ADAMTS17: variants seen among roughly 807,000 people sequenced by gnomAD.
ADAMTS17 encodes ADAM metallopeptidase with thrombospondin type 1 motif 17, also known as A disintegrin and metalloproteinase with thrombospondin motifs 17.
In ADAMTS17, 113 loss-of-function variants were observed where a neutral mutation model predicts 141.5. The ratio of observed to expected loss-of-function variants is 0.80; its 90% CI spans 0.69 to 0.93. ADAMTS17 has a LOEUF of 0.93. Among genes scored for constraint, ADAMTS17 ranks in the 40% least tolerant of loss-of-function variants. The pLI, the probability that ADAMTS17 is intolerant of heterozygous loss-of-function variation, is 0.00. For missense variants in ADAMTS17, 1,659 were observed against 1,517.9 expected, an observed-to-expected ratio of 1.09 and a Z score of -1.54; for synonymous variants, 768 against 630.6, an observed-to-expected ratio of 1.22 and a Z score of -3.27.
intron 18 of ADAMTS17, among the ~76,000 whole-genome samples, chr15:100,030,383 A>G (rs1457105256): frequency 4.6e-5 from 7 of 152,214 alleles, no homozygotes; most frequent in Admixed American, 2.6e-4. Flanking sequence ...ATTTAAACCC[A>G]AATACAGGTT....
chr15:100,019,050 G>A (rs567872493), intron 18 of ADAMTS17, among the ~76,000 whole-genome samples: 1 of 152,232 alleles, frequency 6.6e-6, no homozygotes, highest in East Asian at 1.9e-4. Context: ...AACCTCAAAT[G>A]GCAATCCACC....
At chr15:100,085,163 T>C (rs1487464612) in intron 15 of ADAMTS17, among the ~76,000 whole-genome samples, 1 of 152,000 alleles carries the variant, frequency 6.6e-6, no homozygotes, top group Non-Finnish European at 1.5e-5. Context: ...CTGAGGGAGC[T>C]GAAAGCCATG....
chr15:99,987,238 G>A (rs918602846), intron 20 of ADAMTS17, among the ~76,000 whole-genome samples: 5 of 152,178 alleles, frequency 3.3e-5, no homozygotes, highest in Non-Finnish European at 7.4e-5. Flanking sequence ...TGGGGATATC[G>A]AAGCTTCCAT....
intron 4 of ADAMTS17, among the ~76,000 whole-genome samples, chr15:100,269,468 G>A (rs184726496): frequency 6.6e-6 from 1 of 152,250 alleles, no homozygotes; most frequent in East Asian, 1.9e-4. Context: ...TACTTTTTTA[G>A]GGGCCAAACA....
At chr15:100,291,221 A>G (rs532956536) in intron 3 of ADAMTS17, among the ~76,000 whole-genome samples, 15 of 152,350 alleles carry the variant, frequency 9.8e-5, no homozygotes, top group African/African-American at 3.6e-4. Flanking sequence ...GAAGACATAC[A>G]CGTGGCCAAT....
At chr15:100,186,500 T>C (rs182272189) in intron 8 of ADAMTS17, among the ~76,000 whole-genome samples, 2 of 152,366 alleles carry the variant, frequency 1.3e-5, no homozygotes, top group Admixed American at 1.3e-4. Context: ...CCCTCCCATC[T>C]TGGCGCCATC....
At chr15:100,148,103 C>T (rs566541860) in intron 10 of ADAMTS17, among the ~76,000 whole-genome samples, 75 of 152,338 alleles carry the variant, frequency 4.9e-4, no homozygotes, top group African/African-American at 1.7e-3. Flanking sequence ...CTGGGCCACC[C>T]AGATAACCCA....
At chr15:100,092,219 T>C (rs962071016) in intron 15 of ADAMTS17, among the ~76,000 whole-genome samples, 1 of 152,244 alleles carries the variant, frequency 6.6e-6, no homozygotes, top group African/African-American at 2.4e-5. Flanking sequence ...TTTATAGCTT[T>C]AAAATTGGTT....
At chr15:100,199,499 A>C in intron 7 of ADAMTS17, 76 bp from the exon 8 acceptor site, 2 of 1,197,908 alleles carry the variant, frequency 1.7e-6, no homozygotes, top group Non-Finnish European at 2.5e-6. Context: ...CCGCACGGTC[A>C]ACGTCATGCA....
At chr15:100,116,664 C>A (rs1268449739) in intron 13 of ADAMTS17, among the ~76,000 whole-genome samples, 183 bp downstream of exon 13, 1 of 152,264 alleles carries the variant, frequency 6.6e-6, no homozygotes, top group Non-Finnish European at 1.5e-5. Context: ...TCTCAGAGAG[C>A]TGGGTCATTC....
At chr15:100,261,383 T>G in intron 6 of ADAMTS17, 96 bp downstream of exon 6, 2 of 1,571,776 alleles carry the variant, frequency 1.3e-6, no homozygotes, top group Non-Finnish European at 1.7e-6. Context: ...AGGTCTGATT[T>G]CCAAGCCTGA....
Position 100,082,372 on chromosome 15 carries a change from T to C in ADAMTS17, c.2137+13984A>G, listed in dbSNP as rs571743937. Among the ~76,000 whole-genome samples the C allele has an allele frequency of 4.1e-5, 6 of 146,842 alleles. No homozygotes were observed. The South Asian group carries it at 6.4e-4, about 16-fold the overall frequency. ...AGCCACCGTGCCTGGCCTTATTGCA[T>C]GGTTTTGATAGTCTTTTTTTTTTTT... On this transcript the variant is annotated intron_variant, in intron 15 of 21. Transcript: ENST00000268070.
intron 7 of ADAMTS17, among the ~76,000 whole-genome samples, chr15:100,230,146 T>C (rs548982917): frequency 1.3e-5 from 2 of 152,366 alleles, no homozygotes; most frequent in African/African-American, 2.4e-5. Flanking sequence ...CAACTCAGAA[T>C]AAGTGGTTTT....
intron 15 of ADAMTS17, among the ~76,000 whole-genome samples, chr15:100,080,424 T>G (rs2034655805): frequency 6.6e-6 from 1 of 151,844 alleles, no homozygotes; most frequent in Non-Finnish European, 1.5e-5. Flanking sequence ...AGGAGATCCA[T>G]TAGGGCGTCT....
At chr15:100,234,837 C>T (rs947665605) in intron 7 of ADAMTS17, among the ~76,000 whole-genome samples, 7 of 152,158 alleles carry the variant, frequency 4.6e-5, no homozygotes, top group South Asian at 2.1e-4. Flanking sequence ...TCTCCCAAGG[C>T]GCCCCCTCCA....
At chr15:100,179,246 C>G (rs375605974) in intron 8 of ADAMTS17, among the ~76,000 whole-genome samples, 1 of 152,322 alleles carries the variant, frequency 6.6e-6, no homozygotes, top group African/African-American at 2.4e-5. Context: ...GTCTTAGCCT[C>G]TGGTAACCAT....
At chr15:99,998,605 C>CA (rs2060855136) in intron 18 of ADAMTS17, among the ~76,000 whole-genome samples, 1 of 151,920 alleles carries the variant, frequency 6.6e-6, no homozygotes, top group Non-Finnish European at 1.5e-5. Flanking sequence ...CTGTATCCCC[C>CA]AAAAAATAAA....
intron 8 of ADAMTS17, among the ~76,000 whole-genome samples, chr15:100,196,745 T>C (rs778926830): frequency 1.3e-5 from 2 of 152,180 alleles, no homozygotes; most frequent in Admixed American, 6.5e-5. Context: ...TTGCTGAGAG[T>C]GCAGGTTGGT....
chr15:100,250,066 A>T (rs2043106687), intron 7 of ADAMTS17, among the ~76,000 whole-genome samples: 1 of 152,188 alleles, frequency 6.6e-6, no homozygotes, highest in South Asian at 2.1e-4. Flanking sequence ...TGTTATGTGT[A>T]TTTTACCACA....
Sources: allele counts gnomAD v4.1 joint callset (sites outside exome capture counted in the v4.1 genomes callset), GRCh38; gene constraint gnomAD v4.1.1; transcripts MANE v1.5; gene names NCBI Gene and HGNC (gene_info 2026-07-23, HGNC 2026-07-21).